Variants in CNBD1 observed in about 807,000 individuals in gnomAD.
CNBD1 encodes the protein cyclic nucleotide-binding domain-containing protein 1.
Under a neutral mutation model 54.4 loss-of-function variants are expected in CNBD1, and 71 were observed. The ratio of observed to expected loss-of-function variants is 1.30; its 90% CI spans 1.08 to 1.59. The LOEUF (loss-of-function observed/expected upper bound fraction) is 1.59. Among genes scored for constraint, CNBD1 ranks in the 40% most tolerant of loss-of-function variants. CNBD1 has a pLI of 0.00. For missense variants in CNBD1, 659 were observed against 518.0 expected, an observed-to-expected ratio of 1.27 and a Z score of -2.64; for synonymous variants, 182 against 170.7, an observed-to-expected ratio of 1.07 and a Z score of -0.51.
intron 4 of CNBD1, among the ~76,000 whole-genome samples, chr8:87,033,010 C>A (rs536073572): frequency 1.3e-5 from 2 of 152,254 alleles, no homozygotes; most frequent in South Asian, 4.1e-4. Flanking sequence ...TTCACAGTTT[C>A]CTTGATTGAC....
intron 2 of CNBD1, among the ~76,000 whole-genome samples, chr8:87,402,279 A>G (rs780397068): frequency 1.3e-5 from 2 of 152,062 alleles, no homozygotes; most frequent in Middle Eastern, 3.4e-3. Context: ...TATGGGAGCT[A>G]TAAGTCAAGA....
intron 10 of CNBD1, among the ~76,000 whole-genome samples, chr8:87,371,457 T>C (rs940933066): frequency 6.6e-6 from 1 of 152,034 alleles, no homozygotes; most frequent in Non-Finnish European, 1.5e-5. Context: ...CCTTGTAATT[T>C]GGATTCCTAA....
intron 8 of CNBD1, among the ~76,000 whole-genome samples, chr8:87,317,152 C>G (rs7834790): frequency 6.6e-6 from 1 of 151,622 alleles, no homozygotes; most frequent in Non-Finnish European, 1.5e-5. Context: ...AAAGAAATAG[C>G]CTTGGTTTCA....
intron 10 of CNBD1, among the ~76,000 whole-genome samples, chr8:87,368,499 A>T (rs1810689623): frequency 6.6e-6 from 1 of 151,812 alleles, no homozygotes. Context: ...TTAGCTGGGC[A>T]TGGTGCCTCA....
chr8:86,925,943 T>C (rs1267182357), intron 3 of CNBD1, among the ~76,000 whole-genome samples: 1 of 151,986 alleles, frequency 6.6e-6, no homozygotes, highest in Non-Finnish European at 1.5e-5. Flanking sequence ...AGGACAAAGC[T>C]TCCACAGGGT....
intron 2 of CNBD1, among the ~76,000 whole-genome samples, chr8:87,388,926 T>G (rs929498759): frequency 3.9e-5 from 6 of 152,094 alleles, no homozygotes; most frequent in African/African-American, 7.2e-5. Context: ...TTCATCCCTG[T>G]GATGCAAGGC....
Position 87,236,992 on chromosome 8 carries a change from G to A in CNBD1, c.651G>A (p.Leu217=). The change falls in exon 6 of 11, where the codon CTG becomes CTA. Residue 217 remains leucine (L), a synonymous_variant. Transcript: ENST00000518476. ...ARPQTNVYKN[L]IEGSDSPDSF... ...CTCAAACAAACGTGTATAAAAATCT[G>A]ATTGAAGGAAGTGATTCACCAGACT... 11 of 1,612,326 alleles carry A rather than the reference G, an allele frequency of 6.8e-6. No homozygotes were observed. Among genetic ancestry groups the A allele is most frequent in the Non-Finnish European group, 9.3e-6 (11 of 1,178,714 alleles).
intron 8 of CNBD1, among the ~76,000 whole-genome samples, chr8:87,350,886 A>C (rs991533032): frequency 6.6e-6 from 1 of 152,146 alleles, no homozygotes; most frequent in Non-Finnish European, 1.5e-5. Context: ...TTTTATTTTA[A>C]TACGTTGATA....
chr8:87,380,053 A>G (rs2130958467), intron 10 of CNBD1, among the ~76,000 whole-genome samples: 1 of 151,972 alleles, frequency 6.6e-6, no homozygotes, highest in African/African-American at 2.4e-5. Flanking sequence ...AATAATATAA[A>G]CTAGTAAGGA....
intron 4 of CNBD1, among the ~76,000 whole-genome samples, chr8:87,157,344 A>G (rs565677768): frequency 2.0e-4 from 30 of 152,322 alleles, no homozygotes; most frequent in African/African-American, 6.3e-4. Flanking sequence ...AGCTTACACA[A>G]TGGGAAACAA....
intron 4 of CNBD1, among the ~76,000 whole-genome samples, chr8:87,147,422 A>AT (rs1812512678): frequency 6.6e-6 from 1 of 151,988 alleles, no homozygotes; most frequent in Non-Finnish European, 1.5e-5. Context: ...TTTTGAATTA[A>AT]TACTTTATTT....
At chr8:87,358,155 C>A (rs1025890047) in intron 10 of CNBD1, among the ~76,000 whole-genome samples, 5 of 152,130 alleles carry the variant, frequency 3.3e-5, no homozygotes, top group Non-Finnish European at 2.9e-5. Flanking sequence ...AAACCTCTTT[C>A]CTTTATAGAT....
intron 4 of CNBD1, among the ~76,000 whole-genome samples, chr8:87,052,835 A>G (rs961985042): frequency 1.3e-5 from 2 of 152,238 alleles, no homozygotes; most frequent in African/African-American, 2.4e-5. Flanking sequence ...TATCAGGGTC[A>G]TCAGAGAACC....
At chr8:86,963,259 C>T (rs555314649) in intron 4 of CNBD1, among the ~76,000 whole-genome samples, 10 of 152,254 alleles carry the variant, frequency 6.6e-5, no homozygotes, top group South Asian at 2.1e-4. Flanking sequence ...TCCCACTCTC[C>T]GTCACATTTG....
At chr8:86,971,406 T>C (rs761080497) in intron 4 of CNBD1, among the ~76,000 whole-genome samples, 3 of 152,128 alleles carry the variant, frequency 2.0e-5, no homozygotes, top group Non-Finnish European at 4.4e-5. Flanking sequence ...CAATTTGAGA[T>C]GAGATTTGGG....
intron 10 of CNBD1, among the ~76,000 whole-genome samples, chr8:87,354,260 G>A (rs968991385): frequency 1.5e-5 from 2 of 133,374 alleles, no homozygotes; most frequent in Non-Finnish European, 3.4e-5. Flanking sequence ...ATTAGTCTAA[G>A]TCACACAATA....
At chr8:86,926,064 C>A (rs982815104) in intron 3 of CNBD1, among the ~76,000 whole-genome samples, 1 of 152,086 alleles carries the variant, frequency 6.6e-6, no homozygotes, top group African/African-American at 2.4e-5. Flanking sequence ...TTTTTTCAAT[C>A]CTCCCCATGA....
rs113388627 is a variant in CNBD1 at position 87,008,147 on chromosome 8, C to T, written c.431+68393C>T. Among the ~76,000 whole-genome samples the T allele has an allele frequency of 7.4e-3, 1,126 of 152,194 alleles. 15 individuals carry two copies. Among genetic ancestry groups the T allele is most frequent in the African/African-American group, 0.026 (1,065 of 41,526 alleles). ...CCAAATACTGGTTTGCAATGTATAT[C>T]ATTAATTTATTGTTTTTTCCAGTGC... is the stretch of plus-strand genomic sequence containing the variant. On this transcript the variant is annotated intron_variant, in intron 4 of 10. Transcript: ENST00000518476.
At chr8:87,290,559 A>G (rs991247660) in intron 8 of CNBD1, among the ~76,000 whole-genome samples, 2 of 152,134 alleles carry the variant, frequency 1.3e-5, no homozygotes, top group African/African-American at 4.8e-5. Context: ...CTTTAGTGGT[A>G]CTTTTTGATT....
Sources: gnomAD v4.1 joint callset for allele counts (sites outside exome capture counted in the v4.1 genomes callset) on GRCh38, gnomAD v4.1.1 for gene constraint, MANE v1.5 for transcripts, NCBI Gene and HGNC (gene_info 2026-07-23, HGNC 2026-07-21) for gene names.